INPP4B: variants seen among roughly 807,000 people sequenced by gnomAD.
INPP4B encodes the protein inositol polyphosphate 4-phosphatase type II.
A neutral mutation model predicts 122.5 loss-of-function variants in INPP4B; 55 were observed. The observed-to-expected ratio is 0.45, with a 90% confidence interval of 0.36 to 0.56. The LOEUF is 0.56. INPP4B is among the 20% of genes least tolerant of loss of function. The probability of loss-of-function intolerance (pLI) is 0.00; values close to 1 mark genes in which losing one functional copy is unlikely to be tolerated. For missense variants in INPP4B, 1,000 were observed against 1,097.7 expected (o/e 0.91, Z 1.26); for synonymous variants, 403 against 388.7 (o/e 1.04, Z -0.43).
At chr4:142,264,906 A>C (rs945992541) in intron 10 of INPP4B, among the ~76,000 whole-genome samples, 1 of 152,038 alleles carries the variant, frequency 6.6e-6, no homozygotes, top group African/African-American at 2.4e-5. Context: ...CTTACGAGAA[A>C]AGGAGAAGAT....
chr4:142,138,347 G>A (rs1398558025), intron 18 of INPP4B, among the ~76,000 whole-genome samples: 1 of 139,400 alleles, frequency 7.2e-6, no homozygotes, highest in Non-Finnish European at 1.5e-5. Context: ...GAGAACACAT[G>A]GACACAGGAA....
At chr4:142,388,631 T>A (rs1420201099) in intron 7 of INPP4B, among the ~76,000 whole-genome samples, 1 of 152,178 alleles carries the variant, frequency 6.6e-6, no homozygotes, top group African/African-American at 2.4e-5. Flanking sequence ...TTATCTGATG[T>A]TTTTGACTTG....
chr4:142,772,888 T>C (rs1773302859), intron 1 of INPP4B, among the ~76,000 whole-genome samples: 1 of 151,738 alleles, frequency 6.6e-6, no homozygotes, highest in African/African-American at 2.4e-5. Context: ...CTACTAAAAA[T>C]ACAAAAAATT....
In INPP4B at chr4:142,431,248, T is replaced by C; in HGVS notation, c.12A>G (p.Lys4=). The change falls in exon 4 of 26, where the codon AAA becomes AAG. Residue 4 remains lysine (K), a synonymous_variant. Transcript: ENST00000262992. ...GCCCTTCTTCTGATGCCCCTTCCTC[T>C]TTAATTTCCATGATCAACCTTCACA... MEI[K]EEGASEEGQH... is the part of the protein sequence containing the mutation. 6.2e-7 allele frequency: 1 copy of C among 1,613,038 alleles called. No homozygotes were observed. The highest frequency in any genetic ancestry group is 8.5e-7 in the Non-Finnish European group (1 of 1,179,192).
chr4:142,077,400 T>C (rs769830732), intron 25 of INPP4B, among the ~76,000 whole-genome samples: 19 of 151,952 alleles, frequency 1.3e-4, no homozygotes, highest in Non-Finnish European at 2.8e-4. Context: ...TAAGGAAAAA[T>C]AATAGTACAA....
At chr4:142,353,404 A>G (rs1232751075) in intron 7 of INPP4B, among the ~76,000 whole-genome samples, 1 of 152,014 alleles carries the variant, frequency 6.6e-6, no homozygotes, top group Non-Finnish European at 1.5e-5. Context: ...GAATGATCCA[A>G]CTGGTCAGAT....
At chr4:142,677,766 C>A (rs981943036) in intron 2 of INPP4B, among the ~76,000 whole-genome samples, 2 of 152,062 alleles carry the variant, frequency 1.3e-5, no homozygotes, top group Non-Finnish European at 2.9e-5. Context: ...ACTACATGTC[C>A]TCACTCATAA....
At chr4:142,376,478 G>A (rs958376746) in intron 7 of INPP4B, among the ~76,000 whole-genome samples, 3 of 152,004 alleles carry the variant, frequency 2.0e-5, no homozygotes, top group African/African-American at 7.2e-5. Flanking sequence ...CAATTGAAAG[G>A]TCATCAGAGC....
chr4:142,250,580 A>G (rs1187499257), intron 11 of INPP4B, among the ~76,000 whole-genome samples: 2 of 152,320 alleles, frequency 1.3e-5, no homozygotes, highest in East Asian at 1.9e-4. Context: ...GCACAGGCCA[A>G]AGTCATATAC....
At chr4:142,296,077 A>T (rs76613805) in intron 9 of INPP4B, among the ~76,000 whole-genome samples, 1 of 43,252 alleles carries the variant, frequency 2.3e-5, no homozygotes, top group Non-Finnish European at 1.5e-4. Flanking sequence ...CGTGATTTGC[A>T]TTTTAAAAAA....
chr4:142,653,887 T>A (rs1246493045), intron 2 of INPP4B, among the ~76,000 whole-genome samples: 2 of 152,180 alleles, frequency 1.3e-5, no homozygotes, highest in South Asian at 2.1e-4. Flanking sequence ...CCCAAAGGAT[T>A]ATAAATCATG....
At chr4:142,298,198 T>C (rs1352858288) in intron 9 of INPP4B, among the ~76,000 whole-genome samples, 2 of 152,180 alleles carry the variant, frequency 1.3e-5, no homozygotes, top group African/African-American at 4.8e-5. Flanking sequence ...AGCATGAGCC[T>C]TGTTCTACTT....
In INPP4B at chr4:142,085,914, G is replaced by A. The variant is rs575592103; in HGVS notation, c.2487+230C>T. Among the ~76,000 whole-genome samples the A allele has an allele frequency of 2.6e-5, 4 of 152,294 alleles. No individual in the cohort carries two copies. In the South Asian group the frequency reaches 6.2e-4, roughly 24 times the overall value. On this transcript the variant is annotated intron_variant, in intron 24 of 25. Coordinates refer to ENST00000262992, the MANE Select transcript of INPP4B (RefSeq NM_001101669.3). ...AGAGTGGAGAACACATCCAAGGTTG[G>A]TAAGAATAGCAAGTGAGCAAGAGTC...
intron 1 of INPP4B, among the ~76,000 whole-genome samples, chr4:142,761,260 C>A (rs140417751): frequency 4.4e-4 from 67 of 151,846 alleles, no homozygotes; most frequent in African/African-American, 1.5e-3. Flanking sequence ...CTTTCCCTCT[C>A]GGTCATGCTA....
At chr4:142,841,777 G>T (rs1426664583) in intron 1 of INPP4B, among the ~76,000 whole-genome samples, 1 of 151,762 alleles carries the variant, frequency 6.6e-6, no homozygotes. Flanking sequence ...TTTGATCTTG[G>T]AAGATGCTTT....
intron 7 of INPP4B, among the ~76,000 whole-genome samples, chr4:142,374,416 T>G (rs1323960606): frequency 1.3e-5 from 2 of 151,850 alleles, no homozygotes; most frequent in East Asian, 3.9e-4. Flanking sequence ...AGGTAAACAT[T>G]TTGGAAGATG....
chr4:142,217,241 T>G (rs1654311964), intron 12 of INPP4B, among the ~76,000 whole-genome samples: 1 of 152,292 alleles, frequency 6.6e-6, no homozygotes, highest in South Asian at 2.1e-4. Context: ...AAACATAGCA[T>G]TAAAGCCCAC....
At chr4:142,561,559 C>A (rs970547129) in intron 2 of INPP4B, among the ~76,000 whole-genome samples, 9 of 152,086 alleles carry the variant, frequency 5.9e-5, no homozygotes, top group African/African-American at 2.2e-4. Flanking sequence ...GCTGGGACTA[C>A]AAATGTGAGC....
intron 25 of INPP4B, among the ~76,000 whole-genome samples, chr4:142,079,723 A>G (rs968297251): frequency 2.6e-5 from 4 of 152,040 alleles, no homozygotes; most frequent in Admixed American, 6.6e-5. Flanking sequence ...TAATTAACAC[A>G]GCATTTGCAA....
Sources: gnomAD v4.1 joint callset for allele counts (sites outside exome capture counted in the v4.1 genomes callset) on GRCh38, gnomAD v4.1.1 for gene constraint, MANE v1.5 for transcripts, NCBI Gene and HGNC (gene_info 2026-07-23, HGNC 2026-07-21) for gene names.